MCM9: variants seen among roughly 807,000 people sequenced by gnomAD.
MCM9 encodes the protein DNA helicase MCM9.
In MCM9, 55 loss-of-function variants were observed where a neutral mutation model predicts 72.8. The ratio of observed to expected loss-of-function variants is 0.76; its 90% CI spans 0.61 to 0.95. The LOEUF is 0.95. MCM9 is among the 40% of genes least tolerant of loss of function. The pLI is 0.00. For missense variants in MCM9, 1,279 were observed against 1,377.0 expected (o/e 0.93, Z 1.13); for synonymous variants, 480 against 503.4 (o/e 0.95, Z 0.62).
Position 118,888,057 on chromosome 6 carries a change from T to C in MCM9, c.1150+23593A>G, listed in dbSNP as rs186198155. Among the ~76,000 whole-genome samples, 184 of 152,286 alleles carry C rather than the reference T, an allele frequency of 1.2e-3. 1 individual carries two copies. Among genetic ancestry groups the C allele is most frequent in the African/African-American group, 4.3e-3 (177 of 41,554 alleles). On this transcript the variant is annotated intron_variant, in intron 8 of 13. Transcript: ENST00000619706. ...AACATCTTTAGCCATCAGGGAAATA[T>C]AGACCAAAACCACAATGAGATACTA...
chr6:118,917,804 T>C lies in MCM9; in HGVS notation c.704-43A>G, dbSNP rs776888226. 3 of 1,535,496 alleles carry C rather than the reference T, an allele frequency of 2.0e-6. No individual in the cohort carries two copies. The African/African-American group carries it at 4.1e-5, about 21-fold the overall frequency. On this transcript the variant is annotated intron_variant, in intron 5 of 13. Transcript: ENST00000619706. ...GTGAGTCCAGCAGTAGCATCCTGCA[T>C]GCTGAGCACAGACTCAAAATGACAA...
Position 118,917,561 on chromosome 6 carries a change from C to G in MCM9, c.904G>C (p.Gly302Arg), listed in dbSNP as rs1014878040. The change falls in exon 6 of 14, where the codon GGA (glycine) becomes CGA (arginine). Residue 302 changes from glycine to arginine, a missense_variant and splice_region_variant. By Grantham distance (125) the Gly-to-Arg change is moderately radical (BLOSUM62 -2). Coordinates refer to ENST00000619706, the MANE Select transcript of MCM9 (RefSeq NM_017696.3). ...TCAGTTTTAGCCCTTAAACACAAAC[C>G]TGCAAAGGGATCGCTCTTATAGTAT... ...WEYYKSDPFAGRNVILASLCP... is the reference protein window; with the variant it reads ...WEYYKSDPFARRNVILASLCP... The G allele has an allele frequency of 1.2e-6, 2 of 1,613,950 alleles. No individual in the cohort carries two copies. Among genetic ancestry groups the G allele is most frequent in the Non-Finnish European group, 1.7e-6 (2 of 1,179,884 alleles).
intron 9 of MCM9, among the ~76,000 whole-genome samples, chr6:118,829,774 G>A (rs1774404573): frequency 6.6e-6 from 1 of 152,126 alleles, no homozygotes; most frequent in East Asian, 1.9e-4. Context: ...TGAGGGTAGA[G>A]AGTGAGGATG....
At chr6:118,885,097 G>A (rs1045334602) in intron 8 of MCM9, among the ~76,000 whole-genome samples, 2 of 152,190 alleles carry the variant, frequency 1.3e-5, no homozygotes. Context: ...TCAGGAGGCT[G>A]AGGCAGGAGA....
intron 8 of MCM9, among the ~76,000 whole-genome samples, chr6:118,889,055 A>G (rs540094301): frequency 2.6e-5 from 4 of 152,182 alleles, no homozygotes; most frequent in Non-Finnish European, 5.9e-5. Context: ...GATGCTTCAA[A>G]TGAGTGAATT....
rs1297844613 is a variant in MCM9 at position 118,910,759 on chromosome 6, C to T, written c.1150+891G>A. 1.2e-5 allele frequency: 12 copies of T among 985,418 alleles called. No homozygotes were observed. The East Asian group carries it at 7.9e-4, about 65-fold the overall frequency. The allele number at this position is 985,418 out of a possible 1,614,324, so 61.0% of individuals were successfully genotyped here. On this transcript the variant is annotated intron_variant, in intron 8 of 13. Transcript: ENST00000619706. ...CTCAATTCCAAAAATCCATTCTTGT[C>T]AATGGTTAATATACTGTTGAGTTAT...
chr6:118,822,645 A>G (rs1030348127), intron 13 of MCM9, among the ~76,000 whole-genome samples: 1 of 152,164 alleles, frequency 6.6e-6, no homozygotes, highest in Non-Finnish European at 1.5e-5. Flanking sequence ...GTGTGCTGCT[A>G]GAATCCTCCT....
intron 8 of MCM9, among the ~76,000 whole-genome samples, chr6:118,885,369 G>A (rs1778536788): frequency 6.6e-6 from 1 of 152,046 alleles, no homozygotes; most frequent in South Asian, 2.1e-4. Context: ...AGAAATTACT[G>A]GAATAGAGAA....
intron 13 of MCM9, among the ~76,000 whole-genome samples, chr6:118,821,652 A>T (rs1304110487): frequency 6.6e-6 from 1 of 152,052 alleles, no homozygotes; most frequent in African/African-American, 2.4e-5. Context: ...TATTTCCTGA[A>T]TTTGAATGTT....
At chr6:118,910,791 AAAC>A in intron 8 of MCM9, 1 of 985,440 alleles carries the variant, frequency 1.0e-6, no homozygotes, top group Non-Finnish European at 1.2e-6. Context: ...TTATATTTCA[AAAC>A]CTGAGACCTC....
chr6:118,879,254 A>G (rs963491360), intron 8 of MCM9, among the ~76,000 whole-genome samples: 67 of 152,228 alleles, frequency 4.4e-4, no homozygotes, highest in African/African-American at 1.6e-3. Flanking sequence ...GGGGGAAAAA[A>G]AAAAAAAACC....
At chr6:118,908,890 G>C (rs1780347149) in intron 8 of MCM9, 1 of 152,520 alleles carries the variant, frequency 6.6e-6, no homozygotes. Context: ...TTTATGTTGA[G>C]GAAAGGAAAA....
At chr6:118,894,153 G>C in intron 8 of MCM9, 2 of 1,255,516 alleles carry the variant, frequency 1.6e-6, no homozygotes, top group South Asian at 4.3e-5. Context: ...AGGAGGGTCA[G>C]AACTCGGGTG....
At chr6:118,837,123 GTTAT>G (rs1562404354) in intron 9 of MCM9, among the ~76,000 whole-genome samples, 2 of 152,082 alleles carry the variant, frequency 1.3e-5, no homozygotes, top group African/African-American at 4.8e-5. Context: ...CCTTAATTTC[GTTAT>G]TTACCCAGTA....
intron 13 of MCM9, among the ~76,000 whole-genome samples, chr6:118,818,304 T>C (rs1191123035): frequency 2.0e-5 from 3 of 152,228 alleles, no homozygotes; most frequent in East Asian, 1.9e-4. Flanking sequence ...TTAATTTTTG[T>C]ATAAGGTGTA....
At chr6:118,847,579 A>C (rs1775959110) in intron 9 of MCM9, among the ~76,000 whole-genome samples, 1 of 151,794 alleles carries the variant, frequency 6.6e-6, no homozygotes, top group Non-Finnish European at 1.5e-5. Flanking sequence ...TAAGAAAAAA[A>C]AATGGTTGCT....
rs556765067 is a variant in MCM9 at position 118,890,146 on chromosome 6, G to C, written c.1150+21504C>G. Among the ~76,000 whole-genome samples, 3 of 152,184 alleles carry C rather than the reference G, an allele frequency of 2.0e-5. No individual in the cohort carries two copies. The South Asian group carries it at 6.2e-4, about 32-fold the overall frequency. On this transcript the variant is annotated intron_variant, in intron 8 of 13. Coordinates refer to ENST00000619706, the MANE Select transcript of MCM9 (RefSeq NM_017696.3). ...CCTTCTCTCTCCCAGTATACACCTG[G>C]ACCAACCTCATTAATGGAGCTTTGT...
chr6:118,833,941 T>C (rs1314393056), intron 9 of MCM9, among the ~76,000 whole-genome samples: 4 of 152,168 alleles, frequency 2.6e-5, no homozygotes, highest in Non-Finnish European at 4.4e-5. Flanking sequence ...GTTTGTTACA[T>C]AGGTATACAT....
intron 8 of MCM9, among the ~76,000 whole-genome samples, chr6:118,883,069 C>CAAAAA (rs36162403): frequency 3.2e-4 from 15 of 46,154 alleles, no homozygotes; most frequent in East Asian, 5.3e-4. Flanking sequence ...CTCAAAGATG[C>CAAAAA]AAAAAAAAAA....
Sources: allele counts gnomAD v4.1 joint callset (sites outside exome capture counted in the v4.1 genomes callset), GRCh38; gene constraint gnomAD v4.1.1; transcripts MANE v1.5; gene names NCBI Gene and HGNC (gene_info 2026-07-23, HGNC 2026-07-21).